Variants in TRIM3 observed in about 807,000 individuals in gnomAD.
TRIM3 encodes the protein tripartite motif-containing protein 3.
TRIM3 carries 13 observed loss-of-function variants against 66.6 expected under a neutral mutation model. The ratio of observed to expected loss-of-function variants is 0.20; its 90% CI spans 0.13 to 0.31. TRIM3 has a LOEUF of 0.31. Ranked by LOEUF, TRIM3 falls within the 10% of genes least tolerant of loss-of-function variation. The pLI is 1.00. For synonymous variants in TRIM3, 406 were observed against 411.7 expected (o/e 0.99, Z 0.17); for missense variants, 711 against 1,020.4 (o/e 0.70, Z 4.13).
At chr11:6,451,584 T>C (rs879736598) in intron 7 of TRIM3, 146 bp from the exon 8 acceptor site, 1 of 813,128 alleles carries the variant, frequency 1.2e-6, no homozygotes, top group African/African-American at 1.7e-5. Flanking sequence ...AAATCAAACA[T>C]GGCAGCAGGT....
In TRIM3 at chr11:6,451,657, G is replaced by A. The variant is rs114701536; in HGVS notation, c.1534-219C>T. On this transcript the variant is annotated intron_variant, in intron 7 of 11. Transcript: ENST00000345851. Reference sequence around the variant, plus strand: ...GAACATGAAGGGATGAAGGGGAATGGTGAGAAAAGGCTCCAAGAGAAGAAG... The same window carrying A: ...GAACATGAAGGGATGAAGGGGAATGATGAGAAAAGGCTCCAAGAGAAGAAG... 2.3e-3 allele frequency: 1,309 copies of A among 565,108 alleles called. 11 individuals carry two copies. Among genetic ancestry groups the A allele is most frequent in the African/African-American group, 0.022 (1,169 of 53,182 alleles). 35.0% of individuals were successfully genotyped at this position (565,108 alleles called of 1,614,324 possible). A position where few individuals can be genotyped will look rare whatever the true frequency, so the allele number is the denominator to read the frequency against.
Position 6,456,812 on chromosome 11 carries a change from A to C in TRIM3, c.914T>G (p.Leu305Arg). 1 of 1,612,848 alleles carries C rather than the reference A, an allele frequency of 6.2e-7. No homozygotes were observed. The highest frequency in any genetic ancestry group is 8.5e-7 in the Non-Finnish European group (1 of 1,179,964). Residue 305 changes from leucine (L) to arginine (R), a missense_variant, in exon 6 of 12, where the codon CTG becomes CGG. This residue lies in a region of TRIM3 where 399 missense variants were observed against 458.1 expected (regional missense o/e 0.87). Transcript: ENST00000345851. The surrounding 1 kb of genome is among the most constrained non-coding windows in gnomAD (Gnocchi z 6.4). ...GCCCAGATTGAGCACCGATCGCCGCAGACCGTCCACCTCAAGGACCAGTTC... is the reference window on the plus strand; with the variant it reads ...GCCCAGATTGAGCACCGATCGCCGCCGACCGTCCACCTCAAGGACCAGTTC... ...QLELVLEVDG[L>R]RRSVLNLGAL...
chr11:6,456,868 G>T lies in TRIM3; in HGVS notation c.858C>A (p.Phe286Leu), dbSNP rs1217787791. The change falls in exon 6 of 12, where the codon TTC (phenylalanine) becomes TTA (leucine). Residue 286 changes from phenylalanine to leucine, a missense_variant. Physicochemically the swap from Phe to Leu is conservative, Grantham distance 22 (BLOSUM62 0). Transcript: ENST00000345851. This position sits in a 1 kb window ranked among gnomAD's most constrained non-coding sequence, Gnocchi z 6.4. ...GTGCATTCTCATGTGGCCGCTCCGG[G>T]AAGGCCTGTGCCGCCAATGCAGCCA... Reference protein sequence around the residue: ...ERLAALAAQAFPERPHENAQL... With the variant: ...ERLAALAAQALPERPHENAQL... 1 of 1,612,616 alleles carries T rather than the reference G, an allele frequency of 6.2e-7. No individual in the cohort carries two copies. Among genetic ancestry groups the T allele is most frequent in the Non-Finnish European group, 8.5e-7 (1 of 1,179,952 alleles).
At chr11:6,451,568 C>T (rs1849721243) in intron 7 of TRIM3, 130 bp from the exon 8 acceptor site, 9 of 994,224 alleles carry the variant, frequency 9.1e-6, no homozygotes, top group East Asian at 7.7e-5. Flanking sequence ...CAAGCACTTA[C>T]TGACAAAATC....
Position 6,456,755 on chromosome 11 carries a change from T to C in TRIM3, c.971A>G (p.Glu324Gly). The change falls in exon 6 of 12, where the codon GAA (glutamate) becomes GGA (glycine). Residue 324 changes from glutamate to glycine, a missense_variant. Glu to Gly is a moderately conservative substitution (Grantham distance 98, BLOSUM62 -2). Transcript: ENST00000345851. This position sits in a 1 kb window ranked among gnomAD's most constrained non-coding sequence, Gnocchi z 6.4. ...CAGGCCCTCTCCCGTGGCCACCGTT[T>C]CGTGTGCAGTGGCGCTCGTGGTGAG... Reference protein sequence around the residue: ...ALLTTSATAHETVATGEGLRQ... With the variant: ...ALLTTSATAHGTVATGEGLRQ... The C allele has an allele frequency of 6.2e-7, 1 of 1,611,600 alleles. No individual in the cohort carries two copies. The highest frequency in any genetic ancestry group is 8.5e-7 in the Non-Finnish European group (1 of 1,179,848).
In TRIM3 at chr11:6,456,657, T is replaced by C; in HGVS notation, c.1069A>G (p.Thr357Ala). The C allele has an allele frequency of 6.2e-7, 1 of 1,608,908 alleles. No homozygotes were observed. The highest frequency in any genetic ancestry group is 8.5e-7 in the Non-Finnish European group (1 of 1,177,246). ...TCTGCACGCAGCTCAGCGCTGCCTG[T>C]GCGCACCAACCGCCCGTCCTTGTCT... ...TKDKDGRLVR[T>A]GSAELRAEIT... The change falls in exon 6 of 12, where the codon ACA becomes GCA. Residue 357 changes from threonine (T) to alanine (A), a missense_variant. Physicochemically the swap from Thr to Ala is moderately conservative, Grantham distance 58 (BLOSUM62 0). Around this residue, in one of 3 missense-constraint regions of TRIM3, gnomAD observed 399 missense variants for 458.1 expected, o/e 0.87. Transcript: ENST00000345851. This position sits in a 1 kb window ranked among gnomAD's most constrained non-coding sequence, Gnocchi z 6.4.
upstream of TRIM3, chr11:6,474,154 G>A (rs1850838874): frequency 6.6e-6 from 1 of 151,976 alleles, no homozygotes; most frequent in East Asian, 1.9e-4. Flanking sequence ...GGGCCGGCGA[G>A]CCGGATCCCG....
intron 1 of TRIM3, among the ~76,000 whole-genome samples, chr11:6,469,633 A>G (rs905633877): frequency 3.9e-5 from 6 of 152,260 alleles, no homozygotes; most frequent in Middle Eastern, 3.4e-3. Context: ...TCACTCCCTC[A>G]TTCAGCATTC....
Position 6,458,914 on chromosome 11 carries a change from G to A in TRIM3, c.132-618C>T, listed in dbSNP as rs1264722307. 6.6e-6 allele frequency among the ~76,000 whole-genome samples: 1 copy of A among 152,214 alleles called. No individual in the cohort carries two copies. Among genetic ancestry groups the A allele is most frequent in the Non-Finnish European group, 1.5e-5 (1 of 68,042 alleles). On this transcript the variant is annotated intron_variant, in intron 2 of 11. Coordinates refer to ENST00000345851, the MANE Select transcript of TRIM3 (RefSeq NM_033278.4). This position sits in a 1 kb window ranked among gnomAD's most constrained non-coding sequence, Gnocchi z 6.2. ...TGGAGAAGTACAGACTTCACAGAGT[G>A]TTAGAGGATTACATGTAAAGTACTT...
intron 1 of TRIM3, among the ~76,000 whole-genome samples, chr11:6,469,618 G>A (rs978624845): frequency 6.6e-6 from 1 of 152,098 alleles, no homozygotes; most frequent in Non-Finnish European, 1.5e-5. Flanking sequence ...AGTTCTCAAG[G>A]CACCTCACTC....
rs1326662823 is a variant in TRIM3 at position 6,448,784 on chromosome 11, G to T, written c.*244C>A. 6.5e-6 allele frequency: 4 copies of T among 614,214 alleles called. No individual in the cohort carries two copies. The highest frequency in any genetic ancestry group is 1.2e-5 in the Non-Finnish European group (4 of 345,006). 38.0% of individuals were successfully genotyped at this position (614,214 alleles called of 1,614,324 possible). On this transcript the variant is annotated 3_prime_UTR_variant, in exon 12 of 12. Coordinates refer to ENST00000345851, the MANE Select transcript of TRIM3 (RefSeq NM_033278.4). ...CAGGGGTGGGGAGGTGTGTAAGAAG[G>T]GTAGGGTGAAGCTCTGCACACATCC...
At position 6,457,540 on chromosome 11, in the gene TRIM3, C is replaced by T; in HGVS notation, c.516-64G>A. ...GGCTTTGCCGAACTTTCCCTTCTCC[C>T]TGGGGAACCTACTGCTGCCCTCATG... On this transcript the variant is annotated intron_variant, in intron 4 of 11. Transcript: ENST00000345851. This position sits in a 1 kb window ranked among gnomAD's most constrained non-coding sequence, Gnocchi z 4.5. 1 of 1,582,054 alleles carries T rather than the reference C, an allele frequency of 6.3e-7. No individual in the cohort carries two copies.
At position 6,457,343 on chromosome 11, in the gene TRIM3, G is replaced by C. The variant is rs774385766; in HGVS notation, c.649C>G (p.Gln217Glu). The C allele has an allele frequency of 1.2e-6, 2 of 1,614,174 alleles. No individual in the cohort carries two copies. The highest frequency in any genetic ancestry group is 1.1e-5 in the South Asian group (1 of 91,084). Residue 217 changes from glutamine (Q) to glutamate (E), a missense_variant, in exon 5 of 12, where the codon CAG (glutamine) becomes GAG (glutamate). Gln to Glu is a conservative substitution (Grantham distance 29, BLOSUM62 2). Around this residue, in one of 3 missense-constraint regions of TRIM3, gnomAD observed 399 missense variants for 458.1 expected, o/e 0.87. Coordinates refer to ENST00000345851, the MANE Select transcript of TRIM3 (RefSeq NM_033278.4). This position sits in a 1 kb window ranked among gnomAD's most constrained non-coding sequence, Gnocchi z 4.5. ...DLEQALQQRK[Q>E]ALVSDLETIC... is the part of the protein sequence containing the mutation. ...GTCTCCAGGTCGCTGACCAGAGCCT[G>C]CTTGCGCTGCTGCAGTGCTTGCTCC...
intron 1 of TRIM3, among the ~76,000 whole-genome samples, chr11:6,471,981 C>T (rs1191997791): frequency 6.6e-6 from 1 of 152,024 alleles, no homozygotes; most frequent in East Asian, 1.9e-4. Flanking sequence ...ATAAATAAAT[C>T]TAAATAAATA....
rs755485446 is a variant in TRIM3 at position 6,457,006 on chromosome 11, T to A, written c.720A>T (p.Thr240=). The change falls in exon 6 of 12, where the codon ACA becomes ACT. Residue 240 remains threonine, a synonymous_variant. Coordinates refer to ENST00000345851, the MANE Select transcript of TRIM3 (RefSeq NM_033278.4). The surrounding 1 kb of genome is among the most constrained non-coding windows in gnomAD (Gnocchi z 4.5). ...CGATGTGTTCCTGACCCTGGCGCAGTGTGTCCAGCTGGCTTTGCAACACCT... is the reference window on the plus strand; with the variant it reads ...CGATGTGTTCCTGACCCTGGCGCAGAGTGTCCAGCTGGCTTTGCAACACCT... ...KQKVLQSQLD[T]LRQGQEHIGS... 9.4e-6 allele frequency: 15 copies of A among 1,591,580 alleles called. No homozygotes were observed. The highest frequency in any genetic ancestry group is 3.3e-5 in the Admixed American group (2 of 59,760).
chr11:6,464,453 A>G (rs1209086169), intron 2 of TRIM3, among the ~76,000 whole-genome samples: 1 of 152,212 alleles, frequency 6.6e-6, no homozygotes, highest in African/African-American at 2.4e-5. Context: ...CAGATTCCAT[A>G]TGCCAATCTC....
intron 1 of TRIM3, among the ~76,000 whole-genome samples, chr11:6,469,859 A>C (rs1486773634): frequency 6.6e-6 from 1 of 152,194 alleles, no homozygotes; most frequent in East Asian, 1.9e-4. Flanking sequence ...TCCTAAAGAA[A>C]GTAACTTTAG....
At position 6,473,897 on chromosome 11, in the gene TRIM3, T is replaced by G. The variant is rs963095729; in HGVS notation, c.-144A>C. 1 of 151,820 alleles carries G rather than the reference T, an allele frequency of 6.6e-6. No individual in the cohort carries two copies. Among genetic ancestry groups the G allele is most frequent in the African/African-American group, 2.4e-5 (1 of 41,260 alleles). The allele number at this position is 151,820 out of a possible 1,614,324, so 9.4% of individuals were successfully genotyped here. ...CCGTCCGCCCGGCCCTGCCCGCGCCTCCGCCTGTCCCCGCGCCGGCGCCGC... is the reference window on the plus strand; with the variant it reads ...CCGTCCGCCCGGCCCTGCCCGCGCCGCCGCCTGTCCCCGCGCCGGCGCCGC... On this transcript the variant is annotated 5_prime_UTR_variant, in exon 1 of 12. Transcript: ENST00000345851.
At chr11:6,451,484 C>T (rs1849718028) in intron 7 of TRIM3, 46 bp from the exon 8 acceptor site, 2 of 1,601,000 alleles carry the variant, frequency 1.2e-6, no homozygotes, top group South Asian at 1.1e-5. Flanking sequence ...AGGGGAGACA[C>T]TGTGGGCACA....
Sources: allele counts gnomAD v4.1 joint callset (sites outside exome capture counted in the v4.1 genomes callset), GRCh38; gene constraint gnomAD v4.1.1; regional missense constraint gnomAD v4.1.1; non-coding constraint Gnocchi (gnomAD v3.1); transcripts MANE v1.5; gene names NCBI Gene and HGNC (gene_info 2026-07-23, HGNC 2026-07-21).